Variants in FAM110B observed in about 807,000 individuals in gnomAD.
FAM110B encodes protein FAM110B.
Under a neutral mutation model 20.4 loss-of-function variants are expected in FAM110B, and 6 were observed. That is an observed-to-expected ratio of 0.29 (90% confidence interval 0.16 to 0.58). The LOEUF is 0.58. FAM110B is among the 20% of genes least tolerant of loss of function. The probability of loss-of-function intolerance (pLI) is 0.90; values close to 1 mark genes in which losing one functional copy is unlikely to be tolerated. For synonymous variants in FAM110B, 226 were observed against 214.1 expected (o/e 1.06, Z -0.49); for missense variants, 434 against 498.2 (o/e 0.87, Z 1.23).
At chr8:58,137,620 T>C (rs1197746294) in intron 3 of FAM110B, among the ~76,000 whole-genome samples, 2 of 152,070 alleles carry the variant, frequency 1.3e-5, no homozygotes, top group African/African-American at 4.8e-5. Flanking sequence ...GACCAAGCAC[T>C]TTCATGTGTC....
In FAM110B at chr8:58,097,126, C is replaced by G. The variant is rs188879606; in HGVS notation, c.-325+21503C>G. Among the ~76,000 whole-genome samples the G allele has an allele frequency of 2.6e-5, 4 of 152,154 alleles. No individual in the cohort carries two copies. The East Asian group carries it at 7.7e-4, about 29-fold the overall frequency. On this transcript the variant is annotated intron_variant, in intron 3 of 3. Coordinates refer to ENST00000519262, the MANE Select transcript of FAM110B (RefSeq NM_001377989.1). ...TGGGGAAGTTTTCCTGCATAATACC[C>G]CTAAGAGTGTTTTCCAACTTGGTTC... is the stretch of plus-strand genomic sequence containing the variant.
intron 2 of FAM110B, among the ~76,000 whole-genome samples, chr8:58,060,411 C>T (rs993162814): frequency 2.0e-5 from 3 of 152,158 alleles, no homozygotes; most frequent in African/African-American, 7.2e-5. Flanking sequence ...TGTATGAAGG[C>T]ATGAGTGAGC....
In FAM110B at chr8:58,146,669, C is replaced by T. The variant is rs34235613; in HGVS notation, c.439C>T (p.His147Tyr). Residue 147 changes from histidine to tyrosine, a missense_variant, in exon 4 of 4, where the codon CAC becomes TAC. Physicochemically the swap from His to Tyr is moderately conservative, Grantham distance 83. This residue lies in a region of FAM110B where 284 missense variants were observed against 278.3 expected (regional missense o/e 1.02). Coordinates refer to ENST00000519262, the MANE Select transcript of FAM110B (RefSeq NM_001377989.1). ...HKHSSRNWPP[H>Y]RSEATDLHRH... Reference sequence around the variant, plus strand: ...GCACAGCTCCCGCAACTGGCCGCCCCACCGGTCGGAAGCCACTGACCTGCA... The same window carrying T: ...GCACAGCTCCCGCAACTGGCCGCCCTACCGGTCGGAAGCCACTGACCTGCA... 478 of 1,612,744 alleles carry T rather than the reference C, an allele frequency of 3.0e-4. 1 individual carries two copies. The African/African-American group carries it at 5.3e-3, about 18-fold the overall frequency.
chr8:58,137,388 C>T (rs1289081447), intron 3 of FAM110B, among the ~76,000 whole-genome samples: 3 of 152,084 alleles, frequency 2.0e-5, no homozygotes, highest in Non-Finnish European at 4.4e-5. Context: ...GGTAAAACCC[C>T]GTCTCTACTA....
At chr8:58,006,567 C>T (rs1440876089) in intron 1 of FAM110B, among the ~76,000 whole-genome samples, 1 of 151,162 alleles carries the variant, frequency 6.6e-6, no homozygotes, top group African/African-American at 2.4e-5. Flanking sequence ...TCACTAAGGA[C>T]ATTTCAGTAT....
At chr8:58,040,935 CTTTTTTTTTTT>C (rs60228265) in intron 2 of FAM110B, among the ~76,000 whole-genome samples, 1 of 97,348 alleles carries the variant, frequency 1.0e-5, no homozygotes, top group Non-Finnish European at 2.0e-5. Context: ...ATGGGAAAAT[CTTTTTTTTTTT>C]TTTTTTTTTT....
chr8:58,134,554 A>G (rs776540806), intron 3 of FAM110B, among the ~76,000 whole-genome samples: 3 of 152,362 alleles, frequency 2.0e-5, no homozygotes, highest in Non-Finnish European at 4.4e-5. Context: ...AATGCTTAAC[A>G]TTTTAGTTCA....
At chr8:58,027,480 G>T (rs1039878057) in intron 1 of FAM110B, among the ~76,000 whole-genome samples, 6 of 151,778 alleles carry the variant, frequency 4.0e-5, no homozygotes, top group African/African-American at 1.5e-4. Flanking sequence ...TAAATTTACT[G>T]ATTTTAAGTG....
intron 1 of FAM110B, among the ~76,000 whole-genome samples, chr8:58,006,923 A>ATATATATATTTTTTTT: frequency 7.1e-5 from 9 of 126,534 alleles, no homozygotes; most frequent in East Asian, 2.5e-4. Flanking sequence ...ATATATATAT[A>ATATATATATTTTTTTT]TTTTTCCAAA....
intron 3 of FAM110B, among the ~76,000 whole-genome samples, chr8:58,133,320 G>A (rs1463009723): frequency 6.6e-6 from 1 of 151,820 alleles, no homozygotes; most frequent in African/African-American, 2.4e-5. Context: ...TTTATCTTGG[G>A]GCAAAGGCAC....
intron 2 of FAM110B, among the ~76,000 whole-genome samples, chr8:58,059,332 G>C (rs1159859189): frequency 1.3e-5 from 2 of 152,196 alleles, no homozygotes; most frequent in African/African-American, 4.8e-5. Flanking sequence ...TAGTGTAAGG[G>C]TTTGGGTAAC....
At chr8:58,108,906 G>A (rs1349750610) in intron 3 of FAM110B, among the ~76,000 whole-genome samples, 1 of 152,058 alleles carries the variant, frequency 6.6e-6, no homozygotes, top group Non-Finnish European at 1.5e-5. Context: ...CTGTTTGTTG[G>A]GTGCCCTTTA....
At chr8:58,059,046 T>C (rs73236455) in intron 2 of FAM110B, among the ~76,000 whole-genome samples, 9,366 of 152,244 alleles carry the variant, frequency 0.062, 393 homozygotes, top group African/African-American at 0.11. Context: ...CTATAGTAAC[T>C]AGTGCTCTTT....
intron 2 of FAM110B, among the ~76,000 whole-genome samples, chr8:58,051,785 C>T (rs1447400757): frequency 6.6e-6 from 1 of 151,732 alleles, no homozygotes; most frequent in Non-Finnish European, 1.5e-5. Context: ...AAGTTGTTAA[C>T]CAGAGGCACA....
At chr8:58,075,267 T>TGTGTGTGTGTGTGTGTGTGTGTGTG (rs1554521043) in intron 2 of FAM110B, among the ~76,000 whole-genome samples, 17 of 134,242 alleles carry the variant, frequency 1.3e-4, no homozygotes, top group Non-Finnish European at 1.8e-4. Flanking sequence ...TTTTGCTTTT[T>TGTGTGTGTGTGTGTGTGTGTGTGTG]TTTTTTTTTG....
At chr8:58,028,018 C>A (rs1180337969) in intron 1 of FAM110B, among the ~76,000 whole-genome samples, 2 of 152,194 alleles carry the variant, frequency 1.3e-5, no homozygotes, top group Non-Finnish European at 1.5e-5. Flanking sequence ...AAGCAACTGC[C>A]AAATTAGTTT....
intron 1 of FAM110B, among the ~76,000 whole-genome samples, chr8:58,024,894 A>T (rs1478182791): frequency 6.6e-6 from 1 of 152,164 alleles, no homozygotes; most frequent in Non-Finnish European, 1.5e-5. Context: ...TTATATCCCA[A>T]CTTAAGGCAG....
chr8:58,076,783 G>C (rs1475405238), intron 3 of FAM110B, among the ~76,000 whole-genome samples: 3 of 152,186 alleles, frequency 2.0e-5, no homozygotes, highest in Non-Finnish European at 2.9e-5. Flanking sequence ...CAGAGCCTCA[G>C]CCTCAGTGCC....
intron 3 of FAM110B, chr8:58,091,593 A>G (rs955982217): frequency 1.3e-5 from 2 of 152,156 alleles, no homozygotes; most frequent in Non-Finnish European, 2.9e-5. Flanking sequence ...CCAGGCTTCC[A>G]TCAGAGCCCA....
Sources: allele counts gnomAD v4.1 joint callset (sites outside exome capture counted in the v4.1 genomes callset), GRCh38; gene constraint gnomAD v4.1.1; regional missense constraint gnomAD v4.1.1; transcripts MANE v1.5; gene names NCBI Gene and HGNC (gene_info 2026-07-23, HGNC 2026-07-21).